The following TLN2 variants were observed in gnomAD, a reference collection of about 807,000 sequenced individuals.
TLN2 encodes talin-2.
TLN2 carries 118 observed loss-of-function variants against 294.7 expected under a neutral mutation model. The observed-to-expected ratio is 0.40, with a 90% confidence interval of 0.34 to 0.47. The LOEUF (loss-of-function observed/expected upper bound fraction) is 0.47. Among genes scored for constraint, TLN2 ranks in the 20% least tolerant of loss-of-function variants. The pLI is 0.84. For synonymous variants in TLN2, 1,431 were observed against 1,304.5 expected (o/e 1.10, Z -2.09); for missense variants, 3,083 against 3,282.2 (o/e 0.94, Z 1.48).
chr15:62,798,554 A>G (rs1320011447), intron 48 of TLN2, among the ~76,000 whole-genome samples: 3 of 150,974 alleles, frequency 2.0e-5, no homozygotes, highest in Admixed American at 6.6e-5. Flanking sequence ...CAAAAACAAA[A>G]CAAAAAAAAA....
chr15:62,800,644 C>T lies in TLN2; in HGVS notation c.6361-9C>T. On this transcript the variant is annotated splice_polypyrimidine_tract_variant and intron_variant, in intron 49 of 58. Transcript: ENST00000636159. ...GCACTATCTGTATTCATTCTCCCTT[C>T]CTATGCAGGTGATGGTGACCAATGT... 6.2e-7 allele frequency: 1 copy of T among 1,613,862 alleles called. No individual in the cohort carries two copies. Among genetic ancestry groups the T allele is most frequent in the Non-Finnish European group, 8.5e-7 (1 of 1,179,836 alleles).
At chr15:62,561,845 A>T (rs563286862) in intron 1 of TLN2, among the ~76,000 whole-genome samples, 6 of 151,126 alleles carry the variant, frequency 4.0e-5, no homozygotes, top group Non-Finnish European at 7.4e-5. Context: ...TCCCTACCCC[A>T]CTTTTTCTTT....
At chr15:62,675,907 C>G (rs1173287515) in intron 11 of TLN2, among the ~76,000 whole-genome samples, 5 of 152,258 alleles carry the variant, frequency 3.3e-5, no homozygotes, top group African/African-American at 1.2e-4. Flanking sequence ...ATCTTTGTTA[C>G]CCCTTTGCTT....
chr15:62,814,337 T>C (rs1011971821), intron 52 of TLN2, among the ~76,000 whole-genome samples: 3 of 152,272 alleles, frequency 2.0e-5, no homozygotes, highest in Admixed American at 6.5e-5. Context: ...GACTTCCTTC[T>C]ATAGACCACA....
intron 27 of TLN2, among the ~76,000 whole-genome samples, chr15:62,726,300 T>C (rs2060437306): frequency 1.3e-5 from 2 of 152,222 alleles, no homozygotes; most frequent in African/African-American, 4.8e-5. Flanking sequence ...TTGGAAAGCA[T>C]TGCCTCTCTT....
chr15:62,697,206 C>A (rs1007437183), intron 14 of TLN2, among the ~76,000 whole-genome samples: 2 of 152,092 alleles, frequency 1.3e-5, no homozygotes, highest in Non-Finnish European at 2.9e-5. Context: ...CTCCTGGGCT[C>A]AGGTGATCCT....
chr15:62,731,199 C>G (rs1482469568), intron 28 of TLN2, among the ~76,000 whole-genome samples: 1 of 151,734 alleles, frequency 6.6e-6, no homozygotes, highest in Non-Finnish European at 1.5e-5. Flanking sequence ...CTAATTTCTT[C>G]AACATATTTA....
At chr15:62,570,108 A>G (rs2043741995) in intron 1 of TLN2, among the ~76,000 whole-genome samples, 1 of 152,176 alleles carries the variant, frequency 6.6e-6, no homozygotes, top group Non-Finnish European at 1.5e-5. Flanking sequence ...GGGCTGTTGA[A>G]AATACTAACA....
At chr15:62,572,960 G>T (rs539694733) in intron 1 of TLN2, among the ~76,000 whole-genome samples, 2 of 152,056 alleles carry the variant, frequency 1.3e-5, no homozygotes, top group African/African-American at 4.8e-5. Flanking sequence ...TCACCATGGA[G>T]CTGGTGCCCT....
In TLN2 at chr15:62,717,617, C is replaced by T. The variant is rs745875532; in HGVS notation, c.2805C>T (p.Ile935=). 32 of 1,603,156 alleles carry T rather than the reference C, an allele frequency of 2.0e-5. 1 individual carries two copies. The highest frequency in any genetic ancestry group is 5.4e-5 in the African/African-American group (4 of 74,720). The change falls in exon 24 of 59, where the codon ATC becomes ATT. Residue 935 remains isoleucine, a synonymous_variant. Coordinates refer to ENST00000636159, the MANE Select transcript of TLN2 (RefSeq NM_015059.3). ...CCGCAGCGGCAGCCACACAGACCAT[C>T]GCCGCCTCCCAGAATGCAGCTGTTT... is the stretch of plus-strand genomic sequence containing the variant. ...KQAAAAATQT[I]AASQNAAVSN... is the part of the protein sequence containing the mutation.
chr15:62,675,883 C>A (rs1278379924), intron 11 of TLN2, among the ~76,000 whole-genome samples: 1 of 152,160 alleles, frequency 6.6e-6, no homozygotes, highest in Non-Finnish European at 1.5e-5. Context: ...ACTTGACTGA[C>A]AAATCCTCTG....
chr15:62,643,315 G>T (rs1596467285), intron 3 of TLN2, among the ~76,000 whole-genome samples: 1 of 151,500 alleles, frequency 6.6e-6, no homozygotes, highest in Non-Finnish European at 1.5e-5. Context: ...TTAATAAAAT[G>T]GGGAGCCAGA....
intron 1 of TLN2, among the ~76,000 whole-genome samples, chr15:62,468,499 A>G (rs1276500245): frequency 2.0e-5 from 3 of 152,124 alleles, no homozygotes; most frequent in Non-Finnish European, 4.4e-5. Context: ...TAATCCCAGC[A>G]CTTTGGGAGG....
At chr15:62,716,855 A>G (rs556965877) in intron 23 of TLN2, among the ~76,000 whole-genome samples, 2 of 152,322 alleles carry the variant, frequency 1.3e-5, no homozygotes, top group Non-Finnish European at 2.9e-5. Flanking sequence ...GTGGATAGGT[A>G]TAGAAGGGAG....
intron 32 of TLN2, among the ~76,000 whole-genome samples, chr15:62,741,486 G>A (rs1412164819): frequency 3.3e-5 from 5 of 152,102 alleles, no homozygotes; most frequent in Non-Finnish European, 4.4e-5. Flanking sequence ...GGGGGTTCTC[G>A]TATCAGCAGC....
At chr15:62,650,636 A>G (rs12438306) in intron 5 of TLN2, among the ~76,000 whole-genome samples, 98,208 of 152,050 alleles carry the variant, frequency 0.65, 32,286 homozygotes, top group Middle Eastern at 0.8. Context: ...AGTAACAGCA[A>G]CAACAAAAAT....
intron 45 of TLN2, 44 bp from the exon 46 acceptor site, chr15:62,792,597 G>A: frequency 6.2e-7 from 1 of 1,602,798 alleles, no homozygotes. Flanking sequence ...CGATGGCAGA[G>A]TCCATCACGC....
intron 2 of TLN2, among the ~76,000 whole-genome samples, chr15:62,606,678 A>G (rs1320322062): frequency 6.6e-6 from 1 of 152,154 alleles, no homozygotes; most frequent in Non-Finnish European, 1.5e-5. Flanking sequence ...CTGGATAAGT[A>G]CAGTCATTCA....
intron 52 of TLN2, among the ~76,000 whole-genome samples, chr15:62,818,129 A>G (rs2067263922): frequency 6.6e-6 from 1 of 152,108 alleles, no homozygotes; most frequent in Admixed American, 6.6e-5. Flanking sequence ...TCTTTGTGCC[A>G]GCCCTGAGAC....
Sources: allele counts gnomAD v4.1 joint callset (sites outside exome capture counted in the v4.1 genomes callset), GRCh38; gene constraint gnomAD v4.1.1; transcripts MANE v1.5; gene names NCBI Gene and HGNC (gene_info 2026-07-23, HGNC 2026-07-21).